Variants in TRPM3 observed in about 807,000 individuals in gnomAD.
TRPM3 encodes transient receptor potential cation channel subfamily M member 3, also known as long transient receptor potential channel 3.
In TRPM3, 77 loss-of-function variants were observed where a neutral mutation model predicts 181.2. The observed-to-expected ratio is 0.42, with a 90% CI of 0.35 to 0.51. TRPM3 has a LOEUF of 0.51. TRPM3 is among the 20% of genes least tolerant of loss of function. TRPM3 has a pLI of 0.01. For missense variants in TRPM3, 1,759 were observed against 2,196.7 expected (o/e 0.80, Z 3.98); for synonymous variants, 745 against 796.4 (o/e 0.94, Z 1.09).
chr9:70,989,577 G>A (rs1443345694), intron 1 of TRPM3, among the ~76,000 whole-genome samples: 1 of 152,152 alleles, frequency 6.6e-6, no homozygotes, highest in Non-Finnish European at 1.5e-5. Flanking sequence ...GGTTTGGGGT[G>A]GGGGTAGGAT....
intron 25 of TRPM3, among the ~76,000 whole-genome samples, chr9:70,544,783 A>C (rs3901591): frequency 0.23 from 35,083 of 152,038 alleles, 4,839 homozygotes; most frequent in Middle Eastern, 0.31. Context: ...AGTAATGAAT[A>C]CTAAGTCTTG....
chr9:70,616,570 C>T (rs1589356437), intron 17 of TRPM3, among the ~76,000 whole-genome samples: 1 of 89,752 alleles, frequency 1.1e-5, no homozygotes, highest in Admixed American at 1.4e-4. Context: ...CTGATTATCT[C>T]TGCAAAAAAA....
chr9:70,890,974 C>T (rs776343537), intron 1 of TRPM3, among the ~76,000 whole-genome samples: 1 of 151,306 alleles, frequency 6.6e-6, no homozygotes, highest in Non-Finnish European at 1.5e-5. Context: ...AAGAATTGTT[C>T]AGCAATGGGA....
At chr9:71,010,415 A>G (rs2097723648) in intron 1 of TRPM3, among the ~76,000 whole-genome samples, 3 of 152,006 alleles carry the variant, frequency 2.0e-5, no homozygotes, top group African/African-American at 7.2e-5. Flanking sequence ...CAAAACAACA[A>G]CAACAAAAAA....
intron 9 of TRPM3, among the ~76,000 whole-genome samples, chr9:70,674,324 C>G (rs1476204063): frequency 6.6e-6 from 1 of 152,172 alleles, no homozygotes; most frequent in Non-Finnish European, 1.5e-5. Context: ...TACTTCAAAA[C>G]ATATGCCAAA....
chr9:71,420,986 AAAG>A lies in TRPM3; in HGVS notation c.183+25664_183+25666del, dbSNP rs1157795842. On this transcript the variant is annotated intron_variant, in intron 1 of 24. Coordinates refer to the TRPM3 transcript ENST00000357533. ...AAAAGGGAGAGAAAAAGAGAGAGAA[AAAG>A]AGAGAGAAAAAGAGAGAAAAAGAGA... 7.7e-4 allele frequency among the ~76,000 whole-genome samples: 76 copies of A among 98,994 alleles called. 2 individuals are homozygous for A. The highest frequency in any genetic ancestry group is 2.3e-3 in the South Asian group (7 of 3,074). The allele number at this position is 98,994 out of a possible 152,430, so 64.9% of individuals were successfully genotyped here.
At chr9:71,155,785 T>C (rs1252206765) in intron 1 of TRPM3, among the ~76,000 whole-genome samples, 1 of 152,094 alleles carries the variant, frequency 6.6e-6, no homozygotes, top group East Asian at 1.9e-4. Context: ...AAATTAGAAG[T>C]GTTTTACAGA....
At chr9:70,626,611 T>C (rs774794594) in intron 12 of TRPM3, among the ~76,000 whole-genome samples, 4 of 152,190 alleles carry the variant, frequency 2.6e-5, no homozygotes, top group Non-Finnish European at 5.9e-5. Flanking sequence ...GGGGCCTCTG[T>C]GGCCTTTCCT....
chr9:71,076,409 G>A (rs1213793789), intron 1 of TRPM3, among the ~76,000 whole-genome samples: 3 of 152,164 alleles, frequency 2.0e-5, no homozygotes, highest in African/African-American at 4.8e-5. Flanking sequence ...GCTTTCCTCT[G>A]CTCTTGGGTT....
chr9:70,604,181 C>T (rs762700162), intron 19 of TRPM3, among the ~76,000 whole-genome samples: 1 of 152,120 alleles, frequency 6.6e-6, no homozygotes, highest in East Asian at 1.9e-4. Flanking sequence ...GGCTCTGGCT[C>T]GTGGGGTTGA....
chr9:70,827,824 C>T (rs773240348), intron 6 of TRPM3, 23 bp downstream of exon 6: 4 of 1,610,852 alleles, frequency 2.5e-6, no homozygotes, highest in African/African-American at 1.3e-5. Flanking sequence ...CGAGCCATGC[C>T]AGTGGGAACA....
intron 1 of TRPM3, among the ~76,000 whole-genome samples, chr9:71,134,025 G>A (rs1247562443): frequency 5.4e-5 from 8 of 149,022 alleles, no homozygotes; most frequent in Admixed American, 3.3e-4. Flanking sequence ...GCGCGTGCGC[G>A]CGCGCGCGTG....
chr9:71,089,163 A>G (rs2065780005), intron 1 of TRPM3, among the ~76,000 whole-genome samples: 1 of 147,848 alleles, frequency 6.8e-6, no homozygotes, highest in South Asian at 2.1e-4. Flanking sequence ...TTTATATCAT[A>G]TATGAATATA....
At chr9:71,209,912 C>T (rs2079379000) in intron 1 of TRPM3, among the ~76,000 whole-genome samples, 1 of 152,170 alleles carries the variant, frequency 6.6e-6, no homozygotes, top group Admixed American at 6.5e-5. Flanking sequence ...GACCATATGG[C>T]ACACAAAGCC....
At chr9:70,795,766 G>T (rs1438660553) in intron 6 of TRPM3, among the ~76,000 whole-genome samples, 1 of 152,192 alleles carries the variant, frequency 6.6e-6, no homozygotes, top group Non-Finnish European at 1.5e-5. Context: ...CGATAACTTA[G>T]CTTTTTACAT....
chr9:71,085,689 A>G (rs60222070), intron 1 of TRPM3, among the ~76,000 whole-genome samples: 15,714 of 152,104 alleles, frequency 0.1, 973 homozygotes, highest in African/African-American at 0.15. Flanking sequence ...TAAAAAGTCA[A>G]CCAACAACAG....
intron 1 of TRPM3, among the ~76,000 whole-genome samples, chr9:70,954,029 C>T (rs2097035652): frequency 6.6e-6 from 1 of 152,112 alleles, no homozygotes; most frequent in Non-Finnish European, 1.5e-5. Flanking sequence ...CATCCACCTC[C>T]AAAAATACAG....
At chr9:71,032,436 C>G (rs1175900945) in intron 1 of TRPM3, among the ~76,000 whole-genome samples, 1 of 151,600 alleles carries the variant, frequency 6.6e-6, no homozygotes, top group Non-Finnish European at 1.5e-5. Flanking sequence ...TACCACTACA[C>G]TGAGCTGTAT....
intron 1 of TRPM3, among the ~76,000 whole-genome samples, chr9:71,361,291 A>G (rs2132726621): frequency 6.6e-6 from 1 of 152,334 alleles, no homozygotes; most frequent in Non-Finnish European, 1.5e-5. Context: ...TGCGATTTCA[A>G]AAACTAATAA....
Sources: allele counts gnomAD v4.1 joint callset (sites outside exome capture counted in the v4.1 genomes callset), GRCh38; gene constraint gnomAD v4.1.1; transcripts MANE v1.5; gene names NCBI Gene and HGNC (gene_info 2026-07-23, HGNC 2026-07-21).